Variants in ACAT1 observed in about 807,000 individuals in gnomAD.
The protein encoded by ACAT1 is acetyl-CoA acetyltransferase, mitochondrial.
ACAT1 carries 28 observed loss-of-function variants against 47.3 expected under a neutral mutation model. That is an observed-to-expected ratio of 0.59 (90% CI 0.44 to 0.81). The LOEUF (loss-of-function observed/expected upper bound fraction) is 0.81, where lower values mean the gene tolerates loss of function less well. Ranked by LOEUF, ACAT1 falls within the 30% of genes least tolerant of loss-of-function variation. ACAT1 has a pLI of 0.00. For missense variants in ACAT1, 469 were observed against 524.3 expected, an observed-to-expected ratio of 0.89 and a Z score of 1.03; for synonymous variants, 181 against 173.6, an observed-to-expected ratio of 1.04 and a Z score of -0.34.
At chr11:108,143,096 G>C (rs1191945194) in intron 9 of ACAT1, 1 of 156,042 alleles carries the variant, frequency 6.4e-6, no homozygotes, top group East Asian at 1.9e-4. Context: ...GATTGCTTGA[G>C]GCCTGGAGTT....
intron 5 of ACAT1, chr11:108,136,408 A>C: frequency 3.9e-6 from 1 of 253,294 alleles, no homozygotes. Flanking sequence ...ACTTTCCAAA[A>C]ATTGTGTGAC....
intron 6 of ACAT1, 160 bp from the exon 7 acceptor site, chr11:108,139,905 C>A: frequency 1.3e-6 from 1 of 764,478 alleles, no homozygotes; most frequent in Admixed American, 2.7e-5. Flanking sequence ...CCTGCCTTGG[C>A]CCCCCAAAGT....
upstream of ACAT1, chr11:108,121,211 A>G (rs1025555038): frequency 4.6e-5 from 14 of 302,008 alleles, no homozygotes; most frequent in African/African-American, 2.7e-4. Context: ...AAAAAAAAAA[A>G]AAAAAATCCT....
intron 1 of ACAT1, among the ~76,000 whole-genome samples, chr11:108,126,148 G>A (rs2077243697): frequency 1.3e-5 from 2 of 151,992 alleles, no homozygotes; most frequent in Non-Finnish European, 2.9e-5. Flanking sequence ...GACTACAGGT[G>A]CCCACCCCCA....
intron 1 of ACAT1, among the ~76,000 whole-genome samples, chr11:108,126,728 A>G (rs575245054): frequency 1.1e-4 from 17 of 152,046 alleles, no homozygotes; most frequent in African/African-American, 4.1e-4. Flanking sequence ...GATTGCAATA[A>G]AGGGAAGGAT....
chr11:108,147,491 A>AT lies in ACAT1; in HGVS notation c.*107dup, dbSNP rs886047598. The AT allele has an allele frequency of 8.6e-6, 12 of 1,395,788 alleles. No individual in the cohort carries two copies. Among genetic ancestry groups the AT allele is most frequent in the Non-Finnish European group, 1.2e-5 (12 of 1,009,194 alleles). The allele number at this position is 1,395,788 out of a possible 1,614,324, so 86.5% of individuals were successfully genotyped here. ...AGCTTATATTCAGATAAGCTGTTTC[A>AT]TTTTTTATTATTTTCTATGTTAACT... On this transcript the variant is annotated 3_prime_UTR_variant, in exon 12 of 12. Transcript: ENST00000265838.
At chr11:108,121,849 C>T in intron 1 of ACAT1, 171 bp downstream of exon 1, 1 of 652,116 alleles carries the variant, frequency 1.5e-6, no homozygotes, top group Non-Finnish European at 2.6e-6. Flanking sequence ...GCTCCGATAA[C>T]ACCCAGGGAC....
intron 8 of ACAT1, 93 bp downstream of exon 8, chr11:108,141,793 AAAC>A: frequency 8.4e-6 from 6 of 711,460 alleles, no homozygotes; most frequent in African/African-American, 1.8e-5. Context: ...AAATTCTAGA[AAAC>A]ATCTAGATGT....
chr11:108,117,721 T>A (rs1318098931), upstream of ACAT1, among the ~76,000 whole-genome samples: 2 of 152,206 alleles, frequency 1.3e-5, no homozygotes, highest in African/African-American at 2.4e-5. Flanking sequence ...GTAGAAGAAC[T>A]TACTTGGAAA....
rs2077527511 is a variant in ACAT1, at chr11:108,139,004, A to G, written c.542A>G (p.Lys181Arg). The G allele has an allele frequency of 6.2e-7, 1 of 1,614,044 alleles. No individual in the cohort carries two copies. Among genetic ancestry groups the G allele is most frequent in the Non-Finnish European group, 8.5e-7 (1 of 1,180,028 alleles). The change falls in exon 6 of 12, where the codon AAA (lysine) becomes AGA (arginine). Residue 181 changes from lysine (K) to arginine (R), a missense_variant. Coordinates refer to ENST00000265838, the MANE Select transcript of ACAT1 (RefSeq NM_000019.4). The stretch of plus-strand genomic sequence containing the variant: ...GTAAAGCTTGAAGATTTGATTGTAA[A>G]AGACGGGCTAACTGATGTCTACAAT... ...GGVKLEDLIVKDGLTDVYNKI... is the reference protein window; with the variant it reads ...GGVKLEDLIVRDGLTDVYNKI...
chr11:108,129,939 T>A (rs533738784), intron 1 of ACAT1, among the ~76,000 whole-genome samples: 2 of 152,148 alleles, frequency 1.3e-5, no homozygotes, highest in Non-Finnish European at 2.9e-5. Flanking sequence ...TTTTTATATA[T>A]GAAAATTTTC....
intron 5 of ACAT1, among the ~76,000 whole-genome samples, chr11:108,138,521 C>T (rs1000682871): frequency 6.6e-6 from 1 of 151,984 alleles, no homozygotes; most frequent in Non-Finnish European, 1.5e-5. Flanking sequence ...CTTGGCCTCC[C>T]GAGTAGCTGG....
intron 5 of ACAT1, among the ~76,000 whole-genome samples, chr11:108,137,940 T>C (rs1242632091): frequency 1.4e-5 from 2 of 147,524 alleles, no homozygotes; most frequent in Non-Finnish European, 3.0e-5. Flanking sequence ...GCGAGACCTG[T>C]CTAAAAGAAA....
chr11:108,147,438 G>C lies in ACAT1; in HGVS notation c.*48G>C, dbSNP rs778671746. 8 of 1,590,822 alleles carry C rather than the reference G, an allele frequency of 5.0e-6. No individual in the cohort carries two copies. The highest frequency in any genetic ancestry group is 1.3e-5 in the African/African-American group (1 of 74,666). On this transcript the variant is annotated 3_prime_UTR_variant, in exon 12 of 12. Coordinates refer to ENST00000265838, the MANE Select transcript of ACAT1 (RefSeq NM_000019.4). ...ACAACCCTATGTGACCAGAAGGCCT[G>C]CTGTAATCAGTGTGACTACTGTGGG...
rs1555031491 is a variant in ACAT1, at chr11:108,131,372, T to TTTTTTTTTTTTTTTTA, written c.73-535_73-534insTTTTTTTTTTTTTTTA. Among the ~76,000 whole-genome samples the TTTTTTTTTTTTTTTTA allele has an allele frequency of 8.6e-4, 123 of 142,414 alleles. 2 individuals carry two copies. Among genetic ancestry groups the TTTTTTTTTTTTTTTTA allele is most frequent in the African/African-American group, 2.6e-3 (98 of 38,350 alleles). The allele number at this position is 142,414 out of a possible 152,430, so 93.4% of individuals were successfully genotyped here. A position where few individuals can be genotyped will look rare whatever the true frequency, so the allele number is the denominator to read the frequency against. On this transcript the variant is annotated intron_variant, in intron 1 of 11. Transcript: ENST00000265838. ...ACTTGGAATTTTTTTTTTTTTTTTT[T>TTTTTTTTTTTTTTTTA]AGACAGTCTTGCTTTGTTGCCAAGG...
In ACAT1 at chr11:108,133,933, G is replaced by A; in HGVS notation, c.234G>A (p.Lys78=). 6.2e-7 allele frequency: 1 copy of A among 1,613,584 alleles called. No homozygotes were observed. Among genetic ancestry groups the A allele is most frequent in the Non-Finnish European group, 8.5e-7 (1 of 1,179,604 alleles). The change falls in exon 3 of 12, where the codon AAG becomes AAA. Residue 78 remains lysine, a synonymous_variant. Transcript: ENST00000265838. ...GSIAIQGAIE[K]AGIPKEEVKE... is the part of the protein sequence containing the mutation. The stretch of plus-strand genomic sequence containing the variant: ...TTGCAATTCAGGGAGCCATTGAAAA[G>A]GCAGGTCAGTAGTTACTTGGCTTTT...
At chr11:108,141,797 A>ATGTTT in intron 8 of ACAT1, 97 bp downstream of exon 8, 1 of 789,132 alleles carries the variant, frequency 1.3e-6, no homozygotes, top group Non-Finnish European at 2.1e-6. Context: ...TCTAGAAAAC[A>ATGTTT]TCTAGATGTT....
At chr11:108,119,085 T>C (rs184267353), upstream of ACAT1, among the ~76,000 whole-genome samples, 3 of 152,362 alleles carry the variant, frequency 2.0e-5, no homozygotes, top group East Asian at 1.9e-4. Flanking sequence ...GACAAACTTC[T>C]GGAAAATGTG....
chr11:108,133,460 G>T (rs548276725), intron 2 of ACAT1, among the ~76,000 whole-genome samples: 2 of 152,198 alleles, frequency 1.3e-5, no homozygotes, highest in African/African-American at 4.8e-5. Flanking sequence ...ATTCCAGCCT[G>T]GGCAGCTGAG....
Sources: gnomAD v4.1 joint callset for allele counts (sites outside exome capture counted in the v4.1 genomes callset) on GRCh38, gnomAD v4.1.1 for gene constraint, MANE v1.5 for transcripts, NCBI Gene and HGNC (gene_info 2026-07-23, HGNC 2026-07-21) for gene names.